Variants in NRG3 observed in about 807,000 individuals in gnomAD.
NRG3 encodes neuregulin 3, also known as pro-neuregulin-3, membrane-bound isoform.
NRG3 carries 31 observed loss-of-function variants against 66.9 expected under a neutral mutation model. The observed-to-expected ratio is 0.46, with a 90% CI of 0.35 to 0.63. The LOEUF (loss-of-function observed/expected upper bound fraction) is 0.63, where lower values mean the gene tolerates loss of function less well. Ranked by LOEUF, NRG3 falls within the 20% of genes least tolerant of loss-of-function variation. NRG3 has a pLI of 0.00. For missense variants in NRG3, 910 were observed against 878.9 expected (o/e 1.04, Z -0.45); for synonymous variants, 393 against 359.4 (o/e 1.09, Z -1.06).
At chr10:82,276,658 C>CAT (rs2078864418) in intron 1 of NRG3, among the ~76,000 whole-genome samples, 1 of 151,986 alleles carries the variant, frequency 6.6e-6, no homozygotes, top group Non-Finnish European at 1.5e-5. Context: ...ATTCTAACTG[C>CAT]ATAGATAACA....
chr10:82,651,873 T>A (rs1329215194), intron 2 of NRG3, among the ~76,000 whole-genome samples: 1 of 152,158 alleles, frequency 6.6e-6, no homozygotes, highest in Non-Finnish European at 1.5e-5. Context: ...GCATCCCAGT[T>A]GACATTTGGA....
intron 2 of NRG3, among the ~76,000 whole-genome samples, chr10:82,441,697 G>C (rs1239614727): frequency 6.6e-6 from 1 of 152,112 alleles, no homozygotes; most frequent in African/African-American, 2.4e-5. Context: ...GGAAAACCAA[G>C]GGTGGTGTAT....
rs556233322 is a variant in NRG3, at chr10:82,195,052, T to G, written c.824-163687T>G. On this transcript the variant is annotated intron_variant, in intron 1 of 8. Coordinates refer to ENST00000372141, the MANE Select transcript of NRG3 (RefSeq NM_001010848.4). ...AAACCCCTTATCAATTTGAGTTAGA[T>G]TCCTTCCTAGATGTAGGTGGAGCAA... Among the ~76,000 whole-genome samples the G allele has an allele frequency of 4.6e-5, 7 of 152,212 alleles. No homozygotes were observed. In the South Asian group the frequency reaches 1.5e-3, roughly 32 times the overall value.
intron 2 of NRG3, among the ~76,000 whole-genome samples, chr10:82,534,927 C>G (rs2132684565): frequency 6.6e-6 from 1 of 151,708 alleles, no homozygotes; most frequent in South Asian, 2.1e-4. Flanking sequence ...CTTTGGGAGG[C>G]CAAGACTGGT....
chr10:82,552,880 C>T (rs2044408255), intron 2 of NRG3, among the ~76,000 whole-genome samples: 1 of 152,036 alleles, frequency 6.6e-6, no homozygotes, highest in Non-Finnish European at 1.5e-5. Flanking sequence ...AGCCTTGGGC[C>T]TCCTGTCCTT....
intron 2 of NRG3, among the ~76,000 whole-genome samples, chr10:82,487,712 G>C (rs1373476495): frequency 6.6e-6 from 1 of 152,170 alleles, no homozygotes; most frequent in Non-Finnish European, 1.5e-5. Context: ...TTATTTACTT[G>C]TGTTAGTTTT....
intron 2 of NRG3, among the ~76,000 whole-genome samples, chr10:82,471,614 G>A (rs1178963134): frequency 2.6e-5 from 4 of 152,132 alleles, no homozygotes; most frequent in African/African-American, 7.2e-5. Context: ...AATTCTATTC[G>A]TAATCAAGGT....
At chr10:81,938,226 C>T (rs1848068222) in intron 1 of NRG3, among the ~76,000 whole-genome samples, 1 of 151,740 alleles carries the variant, frequency 6.6e-6, no homozygotes, top group African/African-American at 2.4e-5. Flanking sequence ...TTTTAGATGT[C>T]ATAAGAATTT....
chr10:82,863,915 C>G (rs1284293874), intron 3 of NRG3, among the ~76,000 whole-genome samples: 1 of 152,170 alleles, frequency 6.6e-6, no homozygotes, highest in Non-Finnish European at 1.5e-5. Flanking sequence ...TGCCTGATAT[C>G]TATCACCATG....
intron 1 of NRG3, among the ~76,000 whole-genome samples, chr10:82,327,111 T>C (rs2081911975): frequency 6.6e-6 from 1 of 152,152 alleles, no homozygotes; most frequent in African/African-American, 2.4e-5. Context: ...GGCCATGTAG[T>C]ATGAGAAACA....
At chr10:82,934,074 T>C (rs1406445181) in intron 4 of NRG3, among the ~76,000 whole-genome samples, 1 of 152,188 alleles carries the variant, frequency 6.6e-6, no homozygotes, top group African/African-American at 2.4e-5. Flanking sequence ...GAGGGGAAAT[T>C]CCTTCAGGGT....
chr10:82,122,507 T>C (rs1464622530), intron 1 of NRG3, among the ~76,000 whole-genome samples: 1 of 152,182 alleles, frequency 6.6e-6, no homozygotes, highest in Non-Finnish European at 1.5e-5. Flanking sequence ...GTTTCCTTTA[T>C]GTTATCATTC....
At chr10:82,631,278 C>T (rs915730411) in intron 2 of NRG3, among the ~76,000 whole-genome samples, 5 of 152,092 alleles carry the variant, frequency 3.3e-5, no homozygotes, top group Non-Finnish European at 7.4e-5. Flanking sequence ...TTCAAATTCC[C>T]CGGATGAGGG....
chr10:82,153,052 A>G (rs1013095479), intron 1 of NRG3, among the ~76,000 whole-genome samples: 1 of 152,040 alleles, frequency 6.6e-6, no homozygotes. Flanking sequence ...TCTACTTATA[A>G]TTATTTTGGG....
At chr10:81,888,200 G>A (rs544796758) in intron 1 of NRG3, among the ~76,000 whole-genome samples, 8 of 152,198 alleles carry the variant, frequency 5.3e-5, no homozygotes, top group African/African-American at 1.7e-4. Flanking sequence ...TCCCCTCTTA[G>A]TGAGACTTCA....
At chr10:82,873,556 G>A (rs996025576) in intron 4 of NRG3, among the ~76,000 whole-genome samples, 1 of 152,142 alleles carries the variant, frequency 6.6e-6, no homozygotes, top group East Asian at 1.9e-4. Context: ...CAATAATCAC[G>A]AAGGATTTCT....
chr10:81,924,937 A>G (rs1846625659), intron 1 of NRG3, among the ~76,000 whole-genome samples: 1 of 151,892 alleles, frequency 6.6e-6, no homozygotes, highest in Non-Finnish European at 1.5e-5. Context: ...GGTGAAAGAG[A>G]AAAAAAAGGC....
Position 82,669,984 on chromosome 10 carries a change from C to A in NRG3, c.954-68593C>A, listed in dbSNP as rs2053134396. Among the ~76,000 whole-genome samples the A allele has an allele frequency of 2.6e-5, 4 of 152,002 alleles. No homozygotes were observed. In the South Asian group the frequency reaches 8.3e-4, roughly 32 times the overall value. On this transcript the variant is annotated intron_variant, in intron 2 of 8. Transcript: ENST00000372141. ...ACATGTGGCATCCTCCACCACTCCC[C>A]TTTGGAGCCCAAGTGACAAGAAGAG...
chr10:82,029,038 G>A (rs780540485), intron 1 of NRG3, among the ~76,000 whole-genome samples: 3 of 151,926 alleles, frequency 2.0e-5, no homozygotes, highest in Admixed American at 6.6e-5. Context: ...GTAAAACCCC[G>A]TTTTTACTAA....
Sources: gnomAD v4.1 joint callset for allele counts (sites outside exome capture counted in the v4.1 genomes callset) on GRCh38, gnomAD v4.1.1 for gene constraint, MANE v1.5 for transcripts, NCBI Gene and HGNC (gene_info 2026-07-23, HGNC 2026-07-21) for gene names.